The following SCAI variants were observed in gnomAD, a reference collection of about 807,000 sequenced individuals.
SCAI encodes the protein protein SCAI.
SCAI carries 24 observed loss-of-function variants against 92.2 expected under a neutral mutation model. That is an observed-to-expected ratio of 0.26 (90% CI 0.19 to 0.37). The LOEUF (loss-of-function observed/expected upper bound fraction) is 0.37. Ranked by LOEUF, SCAI falls within the 10% of genes least tolerant of loss-of-function variation. The pLI is 1.00. For missense variants in SCAI, 450 were observed against 736.2 expected (o/e 0.61, Z 4.50); for synonymous variants, 261 against 258.6 (o/e 1.01, Z -0.09).
intron 3 of SCAI, among the ~76,000 whole-genome samples, chr9:125,030,882 CA>C (rs1833060414): frequency 6.6e-6 from 1 of 152,104 alleles, no homozygotes; most frequent in Non-Finnish European, 1.5e-5. Flanking sequence ...AGAGAAAATC[CA>C]CAAATTCAAG....
intron 2 of SCAI, among the ~76,000 whole-genome samples, chr9:125,095,691 C>G (rs1406969422): frequency 6.6e-6 from 1 of 152,200 alleles, no homozygotes; most frequent in African/African-American, 2.4e-5. Flanking sequence ...TTAATGTGCT[C>G]TCTTCCTCCT....
In SCAI at chr9:125,097,570, C is replaced by A. The variant is rs1442094136; in HGVS notation, c.99-41563G>T. ...ATATGTAATCTTCAATATATTAATA[C>A]TTAAAATATTTAAATATTTTATATA... On this transcript the variant is annotated intron_variant, in intron 2 of 17. Transcript: ENST00000336505. 2.0e-5 allele frequency among the ~76,000 whole-genome samples: 3 copies of A among 151,740 alleles called. No individual in the cohort carries two copies. The East Asian group carries it at 5.8e-4, about 29-fold the overall frequency.
intron 2 of SCAI, among the ~76,000 whole-genome samples, chr9:125,111,785 C>A (rs1014323412): frequency 3.3e-5 from 5 of 152,074 alleles, no homozygotes; most frequent in African/African-American, 9.7e-5. Flanking sequence ...GCCTTGAGAG[C>A]ATTTCTAGGA....
intron 17 of SCAI, chr9:124,968,343 T>C: frequency 8.3e-7 from 1 of 1,208,646 alleles, no homozygotes. Flanking sequence ...CAGTTTGGTT[T>C]TTAAGGCTTT....
At chr9:125,079,751 C>A (rs7043082) in intron 2 of SCAI, among the ~76,000 whole-genome samples, 3,361 of 146,238 alleles carry the variant, frequency 0.023, 127 homozygotes, top group African/African-American at 0.078. Flanking sequence ...TTGGCAAACA[C>A]GTTGGTGACT....
At chr9:125,116,845 CATAAA>C (rs1564420436) in intron 2 of SCAI, among the ~76,000 whole-genome samples, 1 of 151,888 alleles carries the variant, frequency 6.6e-6, no homozygotes. Flanking sequence ...TAGTATTTTC[CATAAA>C]ATAAAAATTT....
intron 3 of SCAI, among the ~76,000 whole-genome samples, chr9:125,048,447 T>A (rs1443502304): frequency 6.6e-6 from 1 of 152,142 alleles, no homozygotes; most frequent in East Asian, 1.9e-4. Context: ...AATAACATGG[T>A]TATTTATTTC....
intron 2 of SCAI, among the ~76,000 whole-genome samples, chr9:125,129,909 T>C (rs541324932): frequency 6.8e-4 from 103 of 152,082 alleles, no homozygotes; most frequent in Admixed American, 2.7e-3. Context: ...CTTTTCTTTT[T>C]TTTTGTTGAG....
chr9:125,044,774 G>A (rs1833401170), intron 3 of SCAI, among the ~76,000 whole-genome samples: 1 of 152,186 alleles, frequency 6.6e-6, no homozygotes, highest in African/African-American at 2.4e-5. Flanking sequence ...GGCTCCCTGA[G>A]CCAGGGTTGT....
chr9:124,967,246 A>T (rs2131584392), intron 17 of SCAI, among the ~76,000 whole-genome samples: 1 of 152,286 alleles, frequency 6.6e-6, no homozygotes, highest in African/African-American at 2.4e-5. Flanking sequence ...TATATAGCTC[A>T]CAAATTGTTC....
At chr9:125,022,607 C>T (rs1315739734) in intron 6 of SCAI, among the ~76,000 whole-genome samples, 4 of 152,078 alleles carry the variant, frequency 2.6e-5, no homozygotes, top group East Asian at 1.9e-4. Context: ...TTGTAGAAAT[C>T]GGGTCTTGCT....
chr9:125,053,848 G>A (rs1833610765), intron 3 of SCAI, among the ~76,000 whole-genome samples: 1 of 152,148 alleles, frequency 6.6e-6, no homozygotes, highest in African/African-American at 2.4e-5. Flanking sequence ...TCAAAAAAAT[G>A]GGGTCCGAGC....
chr9:124,959,260 TAATA>T (rs1831384792), intron 17 of SCAI, among the ~76,000 whole-genome samples: 1 of 101,714 alleles, frequency 9.8e-6, no homozygotes, highest in African/African-American at 3.8e-5. Flanking sequence ...AGTATAATAA[TAATA>T]AAATTTAAAA....
At chr9:125,093,197 C>A (rs1834474179) in intron 2 of SCAI, among the ~76,000 whole-genome samples, 1 of 152,082 alleles carries the variant, frequency 6.6e-6, no homozygotes, top group South Asian at 2.1e-4. Flanking sequence ...ACTGTCTCTA[C>A]TAAAAATACA....
intron 6 of SCAI, among the ~76,000 whole-genome samples, chr9:125,022,202 T>C (rs571176434): frequency 3.9e-5 from 6 of 152,338 alleles, no homozygotes; most frequent in Admixed American, 3.9e-4. Context: ...CTTTGCTTTA[T>C]CATAATGCTA....
intron 2 of SCAI, among the ~76,000 whole-genome samples, chr9:125,113,727 C>T (rs1834977676): frequency 6.9e-6 from 1 of 144,456 alleles, no homozygotes; most frequent in Non-Finnish European, 1.5e-5. Context: ...CTTTGGGAGG[C>T]CAAGGCGGGC....
intron 2 of SCAI, among the ~76,000 whole-genome samples, chr9:125,086,623 T>C (rs1380644878): frequency 6.6e-6 from 1 of 152,196 alleles, no homozygotes. Flanking sequence ...AGACTGCTGA[T>C]CTAAAAATAT....
At chr9:124,974,247 C>T in intron 15 of SCAI, 2 of 445,862 alleles carry the variant, frequency 4.5e-6, no homozygotes, top group Non-Finnish European at 8.9e-6. Context: ...AGTTTGAGAC[C>T]AGCCTAGGCA....
intron 9 of SCAI, among the ~76,000 whole-genome samples, chr9:125,010,853 G>C (rs1392159236): frequency 6.6e-6 from 1 of 152,182 alleles, no homozygotes; most frequent in Non-Finnish European, 1.5e-5. Context: ...GGGAACATCA[G>C]ACAGCAGCAT....
Sources: allele counts gnomAD v4.1 joint callset (sites outside exome capture counted in the v4.1 genomes callset), GRCh38; gene constraint gnomAD v4.1.1; transcripts MANE v1.5; gene names NCBI Gene and HGNC (gene_info 2026-07-23, HGNC 2026-07-21).